Variants in GOLM1 observed in about 807,000 individuals in gnomAD.
The protein encoded by GOLM1 is epididymis luminal protein 46.
In GOLM1, 31 loss-of-function variants were observed where a neutral mutation model predicts 50.5. That is an observed-to-expected ratio of 0.61 (90% CI 0.46 to 0.83). GOLM1 has a LOEUF of 0.83. Ranked by LOEUF, GOLM1 falls within the 40% of genes least tolerant of loss-of-function variation. GOLM1 has a pLI of 0.00. For synonymous variants in GOLM1, 178 were observed against 192.8 expected (o/e 0.92, Z 0.64); for missense variants, 491 against 501.3 (o/e 0.98, Z 0.20).
At chr9:86,083,610 A>C (rs909818406) in intron 1 of GOLM1, among the ~76,000 whole-genome samples, 5 of 152,186 alleles carry the variant, frequency 3.3e-5, no homozygotes, top group Admixed American at 6.5e-5. Flanking sequence ...CTGGTCTCGA[A>C]TTCTCGGCCT....
intron 1 of GOLM1, among the ~76,000 whole-genome samples, chr9:86,081,186 C>A (rs1382628541): frequency 1.4e-5 from 2 of 147,406 alleles, no homozygotes; most frequent in East Asian, 3.9e-4. Context: ...GTGCACCCAG[C>A]CTCAATGATT....
intron 1 of GOLM1, among the ~76,000 whole-genome samples, chr9:86,080,720 G>A (rs1271702409): frequency 6.6e-6 from 1 of 152,040 alleles, no homozygotes; most frequent in African/African-American, 2.4e-5. Flanking sequence ...GAATTCCCAC[G>A]GGTGGAAATT....
At chr9:86,070,990 A>G (rs1024008985) in intron 3 of GOLM1, among the ~76,000 whole-genome samples, 7 of 152,118 alleles carry the variant, frequency 4.6e-5, no homozygotes, top group Admixed American at 6.5e-5. Flanking sequence ...GTGTATCTCT[A>G]TATCTTTCCA....
chr9:86,045,559 C>T (rs1334160419), intron 5 of GOLM1, among the ~76,000 whole-genome samples: 1 of 151,040 alleles, frequency 6.6e-6, no homozygotes, highest in Admixed American at 6.6e-5. Flanking sequence ...CCTGTAGTCC[C>T]AGCTACTCAG....
At chr9:86,064,670 C>T (rs1364333084) in intron 3 of GOLM1, among the ~76,000 whole-genome samples, 2 of 152,090 alleles carry the variant, frequency 1.3e-5, no homozygotes, top group East Asian at 3.9e-4. Flanking sequence ...CAAGTCCAAA[C>T]TCCTTCAAAC....
At chr9:86,035,229 A>C in intron 8 of GOLM1, 139 bp downstream of exon 8, 1 of 1,517,890 alleles carries the variant, frequency 6.6e-7, no homozygotes, top group South Asian at 1.3e-5. Flanking sequence ...AGAAACCTTC[A>C]AACGAAAAGG....
intron 4 of GOLM1, among the ~76,000 whole-genome samples, chr9:86,049,225 T>C (rs1279048620): frequency 1.3e-5 from 2 of 152,174 alleles, no homozygotes; most frequent in Non-Finnish European, 2.9e-5. Flanking sequence ...GTTCCAATGG[T>C]CTATATCTCT....
chr9:86,033,343 A>G lies in GOLM1; in HGVS notation c.1068T>C (p.Asn356=), dbSNP rs1833039155. ...GCTTGTCTGTCTCAGATTCTGCTTCATTTTCATCCATGTTGTAGTCATCTT... is the reference window on the plus strand; with the variant it reads ...GCTTGTCTGTCTCAGATTCTGCTTCGTTTTCATCCATGTTGTAGTCATCTT... ...RGEDDYNMDE[N]EAESETDKQA... Residue 356 remains asparagine (N), a synonymous_variant, in exon 9 of 10, where the codon AAT becomes AAC. Coordinates refer to ENST00000388712, the MANE Select transcript of GOLM1 (RefSeq NM_016548.4). The G allele has an allele frequency of 6.2e-7, 1 of 1,613,630 alleles. No homozygotes were observed. The highest frequency in any genetic ancestry group is 8.5e-7 in the Non-Finnish European group (1 of 1,179,606).
intron 1 of GOLM1, among the ~76,000 whole-genome samples, chr9:86,093,423 A>G (rs936422395): frequency 6.6e-6 from 1 of 151,682 alleles, no homozygotes; most frequent in Non-Finnish European, 1.5e-5. Context: ...CCCCAAAATT[A>G]TCTGGGTGTG....
At chr9:86,078,924 T>C (rs2118852006) in intron 2 of GOLM1, among the ~76,000 whole-genome samples, 1 of 152,144 alleles carries the variant, frequency 6.6e-6, no homozygotes, top group South Asian at 2.1e-4. Flanking sequence ...GTAGCTCAAA[T>C]GAATGCTGTT....
At chr9:86,080,737 T>A (rs1322825427) in intron 1 of GOLM1, among the ~76,000 whole-genome samples, 3 of 152,178 alleles carry the variant, frequency 2.0e-5, no homozygotes, top group Non-Finnish European at 2.9e-5. Flanking sequence ...AATTCTGACC[T>A]GTGCTCATGT....
rs969227502 is a variant in GOLM1 at position 86,076,042 on chromosome 9, A to G, written c.309+1370T>C. Among the ~76,000 whole-genome samples the G allele has an allele frequency of 3.3e-5, 5 of 152,210 alleles. No individual in the cohort carries two copies. In the South Asian group the frequency reaches 1.0e-3, roughly 32 times the overall value. On this transcript the variant is annotated intron_variant, in intron 3 of 9. Coordinates refer to ENST00000388712, the MANE Select transcript of GOLM1 (RefSeq NM_016548.4). ...CTGGAAATAATTCATTTTCTGAGACAATTCAAGATAATGGAAGTTGAGCTA... is the reference window on the plus strand; with the variant it reads ...CTGGAAATAATTCATTTTCTGAGACGATTCAAGATAATGGAAGTTGAGCTA...
intron 3 of GOLM1, among the ~76,000 whole-genome samples, chr9:86,053,229 C>CA (rs1554784122): frequency 7.7e-6 from 1 of 130,024 alleles, no homozygotes; most frequent in African/African-American, 2.9e-5. Context: ...CCACTCCACA[C>CA]CACACATACC....
At chr9:86,099,726 A>C (rs1367230023), upstream of GOLM1, among the ~76,000 whole-genome samples, 1 of 151,686 alleles carries the variant, frequency 6.6e-6, no homozygotes, top group Non-Finnish European at 1.5e-5. Context: ...CGGGAGCAGG[A>C]ACGCCAGCGT....
At chr9:86,080,561 G>A (rs1480213986) in intron 1 of GOLM1, among the ~76,000 whole-genome samples, 1 of 152,164 alleles carries the variant, frequency 6.6e-6, no homozygotes, top group African/African-American at 2.4e-5. Context: ...TCACCAGTGA[G>A]AACATGGGAG....
At chr9:86,061,077 C>T (rs1220180513) in intron 3 of GOLM1, among the ~76,000 whole-genome samples, 5 of 151,978 alleles carry the variant, frequency 3.3e-5, no homozygotes, top group Admixed American at 6.6e-5. Flanking sequence ...ATGGTTAAAA[C>T]GGCACGAGTT....
Position 86,027,632 on chromosome 9 carries a change from C to A in GOLM1, c.*185G>T. The A allele has an allele frequency of 7.2e-7, 1 of 1,384,604 alleles. No individual in the cohort carries two copies. The highest frequency in any genetic ancestry group is 9.3e-7 in the Non-Finnish European group (1 of 1,074,024). The allele number at this position is 1,384,604 out of a possible 1,614,324, so 85.8% of individuals were successfully genotyped here. ...TTATTAGACACTTCCAAAGTACCCC[C>A]CAAAAGCTGTTTAAAAGACCATTCC... On this transcript the variant is annotated 3_prime_UTR_variant, in exon 10 of 10. Coordinates refer to ENST00000388712, the MANE Select transcript of GOLM1 (RefSeq NM_016548.4).
chr9:86,049,357 C>CA (rs1018353863), intron 4 of GOLM1, among the ~76,000 whole-genome samples: 1 of 152,124 alleles, frequency 6.6e-6, no homozygotes, highest in African/African-American at 2.4e-5. Context: ...AATGTGGGCT[C>CA]TTTTTTGGTT....
At chr9:86,052,723 G>T in intron 3 of GOLM1, 132 bp from the exon 4 acceptor site, 3 of 759,660 alleles carry the variant, frequency 3.9e-6, no homozygotes, top group Non-Finnish European at 4.7e-6. Flanking sequence ...CGCACTCAGC[G>T]CTCAGGCTGG....
Sources: allele counts gnomAD v4.1 joint callset (sites outside exome capture counted in the v4.1 genomes callset), GRCh38; gene constraint gnomAD v4.1.1; transcripts MANE v1.5; gene names NCBI Gene and HGNC (gene_info 2026-07-23, HGNC 2026-07-21).